FREM1: variants seen among roughly 807,000 people sequenced by gnomAD.
FREM1 encodes the protein FRAS1 related extracellular matrix 1, also known as FRAS1-related extracellular matrix protein 1.
A neutral mutation model predicts 210.1 loss-of-function variants in FREM1; 220 were observed. The observed-to-expected ratio is 1.05, with a 90% CI of 0.94 to 1.17. FREM1 has a LOEUF of 1.17. Among genes scored for constraint, FREM1 ranks in the 50% most tolerant of loss-of-function variants. The pLI is 0.00. For missense variants in FREM1, 3,454 were observed against 2,675.5 expected (o/e 1.29, Z -6.42); for synonymous variants, 1,189 against 980.2 (o/e 1.21, Z -3.98).
At chr9:14,898,283 A>G (rs1046172149) in intron 1 of FREM1, among the ~76,000 whole-genome samples, 2 of 152,224 alleles carry the variant, frequency 1.3e-5, no homozygotes, top group Non-Finnish European at 2.9e-5. Context: ...CTATCTGTCA[A>G]TGTAAATCAA....
intron 6 of FREM1, among the ~76,000 whole-genome samples, chr9:14,849,060 C>T (rs1355035780): frequency 2.0e-5 from 3 of 152,136 alleles, no homozygotes; most frequent in Non-Finnish European, 4.4e-5. Context: ...GAGACCAACC[C>T]CTTCCCACAT....
chr9:14,812,768 C>A (rs1588130059), intron 16 of FREM1, 44 bp downstream of exon 16: 11 of 1,562,872 alleles, frequency 7.0e-6, no homozygotes, highest in Non-Finnish European at 9.6e-6. Flanking sequence ...TGGAGACTCT[C>A]ATGTTGCTTG....
chr9:14,888,860 A>T (rs565012061), intron 1 of FREM1, among the ~76,000 whole-genome samples: 22 of 152,340 alleles, frequency 1.4e-4, no homozygotes, highest in African/African-American at 5.1e-4. Flanking sequence ...AACTTTTTTT[A>T]AAATATGAAA....
At chr9:14,803,149 T>A in intron 19 of FREM1, among the ~76,000 whole-genome samples, 1 of 133,638 alleles carries the variant, frequency 7.5e-6, no homozygotes, top group East Asian at 2.6e-4. Context: ...CCTTTTCCCC[T>A]TCCTTCCTTC....
rs559617205 is a variant in FREM1 at position 14,821,809 on chromosome 9, A to G, written c.2337+1351T>C. Among the ~76,000 whole-genome samples the G allele has an allele frequency of 2.0e-5, 3 of 152,342 alleles. No homozygotes were observed. In the East Asian group the frequency reaches 5.8e-4, roughly 29 times the overall value. ...CTGTAGGGTGTGCGGGTTAAATTTT[A>G]TTAGATCTGCCAGAGTTTCAAGGGA... On this transcript the variant is annotated intron_variant, in intron 13 of 36. Coordinates refer to ENST00000380880, the MANE Select transcript of FREM1 (RefSeq NM_001379081.2).
chr9:14,900,047 A>C (rs1838494289), intron 1 of FREM1, among the ~76,000 whole-genome samples: 1 of 152,204 alleles, frequency 6.6e-6, no homozygotes, highest in Non-Finnish European at 1.5e-5. Flanking sequence ...CACTGGCTGC[A>C]AATAAACTTC....
At chr9:14,807,229 A>G (rs1377048877) in intron 17 of FREM1, among the ~76,000 whole-genome samples, 2 of 152,208 alleles carry the variant, frequency 1.3e-5, no homozygotes, top group Non-Finnish European at 2.9e-5. Flanking sequence ...TTAAGCCACT[A>G]AACGTAGTTT....
chr9:14,804,892 G>A, intron 19 of FREM1, 64 bp downstream of exon 19: 1 of 1,243,880 alleles, frequency 8.0e-7, no homozygotes, highest in Non-Finnish European at 1.2e-6. Flanking sequence ...AATGTAAATG[G>A]ACTAATTGAA....
At chr9:14,781,029 C>T (rs1161260335) in intron 24 of FREM1, among the ~76,000 whole-genome samples, 1 of 152,120 alleles carries the variant, frequency 6.6e-6, no homozygotes. Flanking sequence ...TTCCTTCACA[C>T]AAATGCATAT....
Position 14,788,979 on chromosome 9 carries a change from C to A in FREM1, c.4117G>T (p.Asp1373Tyr), listed in dbSNP as rs772187059. 1 of 1,613,028 alleles carries A rather than the reference C, an allele frequency of 6.2e-7. No individual in the cohort carries two copies. Among genetic ancestry groups the A allele is most frequent in the East Asian group, 2.2e-5 (1 of 44,876 alleles). Reference sequence around the variant, plus strand: ...AGAGCAGGGGACCTGTTGTTGCCATCCCAAAGGTAGAAGGTGAAGCTATCT... The same window carrying A: ...AGAGCAGGGGACCTGTTGTTGCCATACCAAAGGTAGAAGGTGAAGCTATCT... ...NQDSFTFYLW[D>Y]GNNRSPALDC... Residue 1373 changes from aspartate to tyrosine, a missense_variant, in exon 23 of 37, where the codon GAT becomes TAT. Coordinates refer to ENST00000380880, the MANE Select transcript of FREM1 (RefSeq NM_001379081.2).
intron 13 of FREM1, among the ~76,000 whole-genome samples, chr9:14,820,865 C>G (rs1312964808): frequency 6.6e-6 from 1 of 152,164 alleles, no homozygotes; most frequent in East Asian, 1.9e-4. Flanking sequence ...GGAGTGTTGT[C>G]TTCGAACAAA....
At chr9:14,791,446 T>C (rs16932288) in intron 22 of FREM1, among the ~76,000 whole-genome samples, 7,587 of 152,284 alleles carry the variant, frequency 0.05, 490 homozygotes, top group East Asian at 0.29. Context: ...ATGCAGTTCA[T>C]GGGATTCAAA....
At chr9:14,806,867 A>T in intron 17 of FREM1, 21 bp from the exon 18 acceptor site, 2 of 1,507,574 alleles carry the variant, frequency 1.3e-6, no homozygotes, top group Non-Finnish European at 1.8e-6. Flanking sequence ...ATAAAAACAC[A>T]ATTACAACTT....
chr9:14,782,025 G>A (rs896348196), intron 24 of FREM1, among the ~76,000 whole-genome samples: 5 of 152,182 alleles, frequency 3.3e-5, no homozygotes, highest in African/African-American at 2.4e-5. Flanking sequence ...AAATTCTTGA[G>A]GCTCCTCAGA....
chr9:14,792,033 T>G (rs554921772), intron 22 of FREM1, among the ~76,000 whole-genome samples: 104 of 152,102 alleles, frequency 6.8e-4, no homozygotes, highest in Admixed American at 1.8e-3. Flanking sequence ...TTAGTAGAGA[T>G]GGGGTTTCAC....
Position 14,846,078 on chromosome 9 carries a change from A to C in FREM1, c.1275T>G (p.Leu425=). The stretch of plus-strand genomic sequence containing the variant: ...AAGTGATGGCTCGAGACTGCCCCTC[A>C]AGGAGACTCAGACCTATGAAAGAAA... The part of the protein sequence containing the change: ...RVSWNTGLSL[L]EGQSRAITWE... Residue 425 remains leucine, a synonymous_variant, in exon 8 of 37, where the codon CTT becomes CTG. Coordinates refer to ENST00000380880, the MANE Select transcript of FREM1 (RefSeq NM_001379081.2). The C allele has an allele frequency of 6.3e-7, 1 of 1,578,570 alleles. No individual in the cohort carries two copies.
At chr9:14,892,790 C>T (rs1376612559) in intron 1 of FREM1, among the ~76,000 whole-genome samples, 1 of 152,112 alleles carries the variant, frequency 6.6e-6, no homozygotes, top group Non-Finnish European at 1.5e-5. Context: ...TTTCTCTGGC[C>T]TCCCTGGGCT....
chr9:14,771,363 TA>T (rs760901202), intron 25 of FREM1, among the ~76,000 whole-genome samples: 16 of 152,142 alleles, frequency 1.1e-4, no homozygotes, highest in Non-Finnish European at 1.9e-4. Context: ...GATACCTCAG[TA>T]AGGAAAAAGT....
At chr9:14,759,379 A>G (rs1845026219) in intron 28 of FREM1, among the ~76,000 whole-genome samples, 1 of 152,022 alleles carries the variant, frequency 6.6e-6, no homozygotes, top group South Asian at 2.1e-4. Flanking sequence ...GCCTGGTGGC[A>G]GGTGCCTGTA....
Sources: allele counts gnomAD v4.1 joint callset (sites outside exome capture counted in the v4.1 genomes callset), GRCh38; gene constraint gnomAD v4.1.1; transcripts MANE v1.5; gene names NCBI Gene and HGNC (gene_info 2026-07-23, HGNC 2026-07-21).